DCHS2: variants seen among roughly 807,000 people sequenced by gnomAD.
DCHS2 encodes the protein dachsous cadherin-related 2, also known as protocadherin-23.
DCHS2 carries 142 observed loss-of-function variants against 182.4 expected under a neutral mutation model. The ratio of observed to expected loss-of-function variants is 0.78; its 90% confidence interval spans 0.68 to 0.89. The LOEUF is 0.89. Ranked by LOEUF, DCHS2 falls within the 40% of genes least tolerant of loss-of-function variation. The probability of loss-of-function intolerance (pLI) is 0.00; values close to 1 mark genes in which losing one functional copy is unlikely to be tolerated. For synonymous variants in DCHS2, 1,740 were observed against 1,663.3 expected, an observed-to-expected ratio of 1.05 and a Z score of -1.12; for missense variants, 4,319 against 4,198.6, an observed-to-expected ratio of 1.03 and a Z score of -0.79.
intron 1 of DCHS2, among the ~76,000 whole-genome samples, chr4:154,408,013 C>T (rs1732470949): frequency 6.6e-6 from 1 of 152,086 alleles, no homozygotes; most frequent in African/African-American, 2.4e-5. Flanking sequence ...TCAGACTGCC[C>T]ATGTCATGGA....
intron 12 of DCHS2, among the ~76,000 whole-genome samples, chr4:154,302,439 G>C (rs908364916): frequency 3.3e-5 from 5 of 152,096 alleles, no homozygotes; most frequent in Non-Finnish European, 7.4e-5. Context: ...TCCCTTCTTT[G>C]CCGAGTTGTG....
intron 7 of DCHS2, 171 bp from the exon 8 acceptor site, chr4:154,322,659 T>G (rs1352713): frequency 0.95 from 898,356 of 941,364 alleles, 431,095 homozygotes; most frequent in Non-Finnish European, 0.98. Flanking sequence ...TTTTTAAAAA[T>G]TTTTATTATG....
Position 154,490,542 on chromosome 4 carries a change from C to A in DCHS2, c.814G>T (p.Gly272Cys). 6.5e-7 allele frequency: 1 copy of A among 1,539,630 alleles called. No homozygotes were observed. The highest frequency in any genetic ancestry group is 1.2e-5 in the South Asian group (1 of 83,946). The part of the protein sequence containing the change: ...HRLQIEAWDG[G>C]RPRRTGLLSV... ...AGGAGGCCGGTGCGCCGGGGTCGGC[C>A]GCCGTCCCATGCCTCGATCTGCAGC... is the stretch of plus-strand genomic sequence containing the variant. The change falls in exon 1 of 20, where the codon GGC becomes TGC. Residue 272 changes from glycine to cysteine, a missense_variant. Gly to Cys is a radical substitution (Grantham distance 159, BLOSUM62 -3). Coordinates refer to ENST00000357232, the MANE Select transcript of DCHS2 (RefSeq NM_001358235.2).
chr4:154,416,532 C>T (rs149490983), intron 1 of DCHS2, among the ~76,000 whole-genome samples: 1,921 of 152,266 alleles, frequency 0.013, 20 homozygotes, highest in Non-Finnish European at 0.02. Flanking sequence ...CTCTTTTGTG[C>T]CATCTGATCC....
chr4:154,369,563 G>A (rs933115081), intron 2 of DCHS2, among the ~76,000 whole-genome samples: 2 of 152,176 alleles, frequency 1.3e-5, no homozygotes, highest in African/African-American at 4.8e-5. Flanking sequence ...CTGAGTCAGA[G>A]CCACCCAGCA....
chr4:154,417,810 A>G (rs1396889129), intron 1 of DCHS2, among the ~76,000 whole-genome samples: 3 of 152,220 alleles, frequency 2.0e-5, no homozygotes, highest in Non-Finnish European at 4.4e-5. Context: ...AAAATCAACT[A>G]GGCTTTCAAT....
At chr4:154,325,626 C>T (rs1736250154) in intron 7 of DCHS2, among the ~76,000 whole-genome samples, 2 of 151,844 alleles carry the variant, frequency 1.3e-5, no homozygotes, top group Admixed American at 6.6e-5. Flanking sequence ...GAAAGAGTCT[C>T]TGAAGGAGGG....
intron 3 of DCHS2, among the ~76,000 whole-genome samples, chr4:154,341,051 G>C (rs1729040837): frequency 6.6e-6 from 1 of 152,112 alleles, no homozygotes; most frequent in South Asian, 2.1e-4. Flanking sequence ...CTTCTCAAAG[G>C]GAAGTGCCTT....
chr4:154,406,537 A>G (rs1004208906), intron 1 of DCHS2, among the ~76,000 whole-genome samples: 5 of 152,220 alleles, frequency 3.3e-5, no homozygotes, highest in African/African-American at 1.2e-4. Context: ...ACTCTGTTGT[A>G]GCTCGAAGTG....
chr4:154,476,994 A>G (rs1043898545), intron 1 of DCHS2, among the ~76,000 whole-genome samples: 1 of 152,158 alleles, frequency 6.6e-6, no homozygotes, highest in African/African-American at 2.4e-5. Flanking sequence ...CTCATGACAG[A>G]GAGGACAAGG....
At chr4:154,388,494 A>ATTT (rs35945131) in intron 1 of DCHS2, among the ~76,000 whole-genome samples, 7,189 of 130,598 alleles carry the variant, frequency 0.055, 661 homozygotes, top group African/African-American at 0.16. Context: ...AATAGATGTA[A>ATTT]TTTTTTTTTT....
chr4:154,236,210 G>A lies in DCHS2; in HGVS notation c.8442C>T (p.Leu2814=). ...LTYSIVSPCF[L]THGMSYDHDL... ...CATGATCATAAGACATTCCATGAGTGAGAAAACAGGGTGATACAATAGAAT... is the reference window on the plus strand; with the variant it reads ...CATGATCATAAGACATTCCATGAGTAAGAAAACAGGGTGATACAATAGAAT... Residue 2814 remains leucine, a synonymous_variant, in exon 20 of 20, where the codon CTC becomes CTT. Coordinates refer to ENST00000357232, the MANE Select transcript of DCHS2 (RefSeq NM_001358235.2). The A allele has an allele frequency of 1.2e-6, 2 of 1,613,958 alleles. No homozygotes were observed. Among genetic ancestry groups the A allele is most frequent in the Non-Finnish European group, 1.7e-6 (2 of 1,179,960 alleles).
intron 8 of DCHS2, among the ~76,000 whole-genome samples, chr4:154,321,788 A>T (rs1257194155): frequency 6.6e-6 from 1 of 152,162 alleles, no homozygotes; most frequent in African/African-American, 2.4e-5. Context: ...TATCACATGC[A>T]CACACAAAGA....
chr4:154,267,279 A>C (rs924008860), intron 14 of DCHS2, among the ~76,000 whole-genome samples: 1 of 152,216 alleles, frequency 6.6e-6, no homozygotes, highest in African/African-American at 2.4e-5. Context: ...ACCTTGATAA[A>C]CCAAATGATG....
At chr4:154,441,186 G>T (rs181198181) in intron 1 of DCHS2, among the ~76,000 whole-genome samples, 11 of 152,280 alleles carry the variant, frequency 7.2e-5, no homozygotes, top group African/African-American at 2.4e-4. Context: ...TGACTTAAAA[G>T]CTAAATGGAA....
At chr4:154,431,425 T>C (rs1295262291) in intron 1 of DCHS2, among the ~76,000 whole-genome samples, 2 of 152,174 alleles carry the variant, frequency 1.3e-5, no homozygotes, top group African/African-American at 4.8e-5. Context: ...CTTTTTTAGA[T>C]ACTTATATAT....
At chr4:154,258,367 C>CTTTTTTTTT (rs771510956) in intron 15 of DCHS2, among the ~76,000 whole-genome samples, 75 of 58,838 alleles carry the variant, frequency 1.3e-3, no homozygotes, top group East Asian at 1.3e-3. Flanking sequence ...AAAAGAAAGG[C>CTTTTTTTTT]TTTTTTTTTT....
rs879666885 is a variant in DCHS2, at chr4:154,316,793, GA to G, written c.5021-807del. 5.1e-3 allele frequency among the ~76,000 whole-genome samples: 768 copies of G among 151,170 alleles called. 10 individuals carry two copies. Among genetic ancestry groups the G allele is most frequent in the African/African-American group, 0.018 (736 of 41,254 alleles). Reference sequence around the variant, plus strand: ...AGCAAGACTCCATCTCAATAAAAAAGAAAAAAAAGCAAAGATGTTATAACTC... The same window carrying G: ...AGCAAGACTCCATCTCAATAAAAAAGAAAAAAAGCAAAGATGTTATAACTC... On this transcript the variant is annotated intron_variant, in intron 9 of 19. Transcript: ENST00000357232.
chr4:154,324,034 A>G (rs1736184856), intron 7 of DCHS2, among the ~76,000 whole-genome samples: 1 of 152,256 alleles, frequency 6.6e-6, no homozygotes, highest in Non-Finnish European at 1.5e-5. Flanking sequence ...TAAGAAAGGC[A>G]GGATAAATGC....
Sources: allele counts gnomAD v4.1 joint callset (sites outside exome capture counted in the v4.1 genomes callset), GRCh38; gene constraint gnomAD v4.1.1; transcripts MANE v1.5; gene names NCBI Gene and HGNC (gene_info 2026-07-23, HGNC 2026-07-21).